RAD54L2: variants seen among roughly 807,000 people sequenced by gnomAD.
The protein encoded by RAD54L2 is RAD54 like 2.
In RAD54L2, 27 loss-of-function variants were observed where a neutral mutation model predicts 138.4. The ratio of observed to expected loss-of-function variants is 0.20; its 90% CI spans 0.14 to 0.27. The LOEUF is 0.27. RAD54L2 is among the 10% of genes least tolerant of loss of function. RAD54L2 has a pLI of 1.00. For missense variants in RAD54L2, 1,396 were observed against 1,890.2 expected (o/e 0.74, Z 4.85); for synonymous variants, 644 against 723.2 (o/e 0.89, Z 1.76).
At chr3:51,545,189 T>G (rs1486137670) in intron 2 of RAD54L2, among the ~76,000 whole-genome samples, 1 of 149,600 alleles carries the variant, frequency 6.7e-6, no homozygotes, top group Non-Finnish European at 1.5e-5. Flanking sequence ...GGATCTTTTT[T>G]GTTGTTGTTG....
chr3:51,643,739 G>T, intron 15 of RAD54L2, 136 bp from the exon 16 acceptor site: 1 of 711,632 alleles, frequency 1.4e-6, no homozygotes, highest in Non-Finnish European at 2.5e-6. Flanking sequence ...GTAGACCCAT[G>T]ATACGTCCAA....
At position 51,664,713 on chromosome 3, in the gene RAD54L2, G is replaced by A. The variant is rs1701877750; in HGVS notation, c.*1293G>A. ...GTTTGGATTAAACAACTATATTTTT[G>A]AGAGATGGCTTTTCAGGAAGATCAG... On this transcript the variant is annotated 3_prime_UTR_variant, in exon 23 of 23. Coordinates refer to ENST00000684192, the MANE Select transcript of RAD54L2 (RefSeq NM_015106.4). The A allele has an allele frequency of 6.6e-6, 1 of 152,166 alleles. No homozygotes were observed. The highest frequency in any genetic ancestry group is 1.5e-5 in the Non-Finnish European group (1 of 68,024). 9.4% of individuals were successfully genotyped at this position (152,166 alleles called of 1,614,324 possible). A position where few individuals can be genotyped will look rare whatever the true frequency, so the allele number is the denominator to read the frequency against.
intron 15 of RAD54L2, among the ~76,000 whole-genome samples, chr3:51,643,279 C>T (rs992525167): frequency 2.6e-5 from 4 of 152,224 alleles, no homozygotes; most frequent in South Asian, 2.1e-4. Flanking sequence ...GTGATCTGCA[C>T]GCCTTGGCCT....
rs1701831230 is a variant in RAD54L2 at position 51,663,213 on chromosome 3, T to A, written c.4197T>A (p.Pro1399=). Residue 1399 remains proline (P), a synonymous_variant, in exon 23 of 23, where the codon CCT becomes CCA. Transcript: ENST00000684192. The part of the protein sequence containing the change: ...PLLSEPRMFA[P]FPSPVLPSNL... ...TGTCCGAGCCGAGGATGTTTGCGCC[T>A]TTTCCTTCCCCTGTCTTGCCCAGCA... is the stretch of plus-strand genomic sequence containing the variant. 5 of 1,613,896 alleles carry A rather than the reference T, an allele frequency of 3.1e-6. No homozygotes were observed. Among genetic ancestry groups the A allele is most frequent in the Non-Finnish European group, 4.2e-6 (5 of 1,179,818 alleles).
chr3:51,634,035 A>C lies in RAD54L2; in HGVS notation c.1142A>C (p.Lys381Thr). Reference sequence around the variant, plus strand: ...GTTCACATCTTGAATGATGAGCACAAGTAGGTGGCCTGCCCTTTCCTCTCT... The same window carrying C: ...GTTCACATCTTGAATGATGAGCACACGTAGGTGGCCTGCCCTTTCCTCTCT... ...FKVHILNDEH[K>T]TMASRAKVMA... Residue 381 changes from lysine (K) to threonine (T), a missense_variant and splice_region_variant, in exon 9 of 23, where the codon AAG becomes ACG. By Grantham distance (78) the Lys-to-Thr change is moderately conservative. Coordinates refer to ENST00000684192, the MANE Select transcript of RAD54L2 (RefSeq NM_015106.4). The C allele has an allele frequency of 6.2e-7, 1 of 1,613,010 alleles. No individual in the cohort carries two copies. The highest frequency in any genetic ancestry group is 8.5e-7 in the Non-Finnish European group (1 of 1,179,810).
At chr3:51,552,030 G>A (rs891215478) in intron 2 of RAD54L2, among the ~76,000 whole-genome samples, 1 of 152,112 alleles carries the variant, frequency 6.6e-6, no homozygotes, top group Admixed American at 6.6e-5. Context: ...GATTATAGGC[G>A]TGAGCCACCA....
chr3:51,603,479 T>C (rs1700119305), intron 3 of RAD54L2, among the ~76,000 whole-genome samples: 1 of 151,996 alleles, frequency 6.6e-6, no homozygotes, highest in Non-Finnish European at 1.5e-5. Context: ...TGGTGGTAGG[T>C]ACCTGTAATC....
At chr3:51,600,125 G>A (rs1700048811) in intron 3 of RAD54L2, among the ~76,000 whole-genome samples, 1 of 151,856 alleles carries the variant, frequency 6.6e-6, no homozygotes, top group Non-Finnish European at 1.5e-5. Context: ...TATATTTTTA[G>A]TAGAGACGGG....
intron 3 of RAD54L2, among the ~76,000 whole-genome samples, chr3:51,608,538 TTGAGCAC>T (rs1700256488): frequency 6.6e-6 from 1 of 152,234 alleles, no homozygotes; most frequent in East Asian, 1.9e-4. Context: ...CTGGGCAACG[TTGAGCAC>T]TGAGTGAGCG....
intron 2 of RAD54L2, among the ~76,000 whole-genome samples, chr3:51,545,830 G>A (rs1553672165): frequency 2.6e-5 from 4 of 151,302 alleles, no homozygotes; most frequent in Admixed American, 2.0e-4. Context: ...ATCCTTCTGC[G>A]TTGGCCTCCC....
chr3:51,597,028 G>A (rs1164850015), intron 3 of RAD54L2, among the ~76,000 whole-genome samples: 4 of 152,054 alleles, frequency 2.6e-5, no homozygotes, highest in Admixed American at 2.6e-4. Flanking sequence ...AGCCGGGCGT[G>A]GTGGCAGGCG....
At chr3:51,605,366 A>C (rs1450859147) in intron 3 of RAD54L2, among the ~76,000 whole-genome samples, 1 of 149,458 alleles carries the variant, frequency 6.7e-6, no homozygotes, top group African/African-American at 2.5e-5. Context: ...TGAGATTACA[A>C]CTGTGAGCCA....
intron 3 of RAD54L2, chr3:51,611,297 G>T (rs1421957923): frequency 6.6e-6 from 1 of 151,700 alleles, no homozygotes; most frequent in African/African-American, 2.4e-5. Flanking sequence ...TACATAGTAG[G>T]TGTATATATT....
At chr3:51,586,700 C>G (rs79785083) in intron 2 of RAD54L2, among the ~76,000 whole-genome samples, 2,840 of 151,526 alleles carry the variant, frequency 0.019, 101 homozygotes, top group African/African-American at 0.066. Context: ...TCCCGAGTAG[C>G]TGGGATTATA....
rs781556549 is a variant in RAD54L2 at position 51,639,940 on chromosome 3, A to G, written c.2172A>G (p.Val724=). 20 of 1,612,618 alleles carry G rather than the reference A, an allele frequency of 1.2e-5. No homozygotes were observed. The highest frequency in any genetic ancestry group is 5.5e-5 in the South Asian group (5 of 90,800). ...TGVLENSPKM[V]LLFHLIEESV... is the part of the protein sequence containing the mutation. ...TCCTAGAAAACTCTCCCAAGATGGT[A>G]CTGCTTTTCCACCTGATTGAGGAAA... The change falls in exon 14 of 23, where the codon GTA becomes GTG. Residue 724 remains valine, a synonymous_variant. Coordinates refer to ENST00000684192, the MANE Select transcript of RAD54L2 (RefSeq NM_015106.4).
At chr3:51,639,833 T>C in intron 13 of RAD54L2, 48 bp from the exon 14 acceptor site, 1 of 1,493,652 alleles carries the variant, frequency 6.7e-7, no homozygotes, top group Non-Finnish European at 9.1e-7. Context: ...TTATTTCTAG[T>C]GATCTGGCCT....
At chr3:51,651,598 T>G (rs1053706765) in intron 19 of RAD54L2, among the ~76,000 whole-genome samples, 5 of 151,784 alleles carry the variant, frequency 3.3e-5, no homozygotes, top group Non-Finnish European at 7.4e-5. Flanking sequence ...AAGATCAAGT[T>G]GGCTTCATCC....
chr3:51,654,913 G>A (rs769561890), intron 19 of RAD54L2, among the ~76,000 whole-genome samples: 1 of 152,146 alleles, frequency 6.6e-6, no homozygotes, highest in African/African-American at 2.4e-5. Context: ...CCCCTGCAGG[G>A]TATGCGGCTT....
At chr3:51,577,015 A>G (rs938611990) in intron 2 of RAD54L2, among the ~76,000 whole-genome samples, 4 of 152,136 alleles carry the variant, frequency 2.6e-5, no homozygotes, top group Non-Finnish European at 5.9e-5. Context: ...CACTGCTTTA[A>G]ATGTGTCCCA....
Sources: allele counts gnomAD v4.1 joint callset (sites outside exome capture counted in the v4.1 genomes callset), GRCh38; gene constraint gnomAD v4.1.1; transcripts MANE v1.5; gene names NCBI Gene and HGNC (gene_info 2026-07-23, HGNC 2026-07-21).